PPP6R2: variants seen among roughly 807,000 people sequenced by gnomAD.
PPP6R2 encodes serine/threonine-protein phosphatase 6 regulatory subunit 2.
In PPP6R2, 62 loss-of-function variants were observed where a neutral mutation model predicts 100.2. The ratio of observed to expected loss-of-function variants is 0.62; its 90% CI spans 0.50 to 0.76. The LOEUF is 0.76. Among genes scored for constraint, PPP6R2 ranks in the 30% least tolerant of loss-of-function variants. PPP6R2 has a pLI of 0.00. For synonymous variants in PPP6R2, 525 were observed against 514.7 expected (o/e 1.02, Z -0.27); for missense variants, 1,142 against 1,276.3 (o/e 0.89, Z 1.60).
intron 2 of PPP6R2, among the ~76,000 whole-genome samples, chr22:50,376,055 A>G (rs918216423): frequency 6.6e-6 from 1 of 150,966 alleles, no homozygotes. Flanking sequence ...CTGGTCTTGA[A>G]CTCCTGACCT....
At chr22:50,404,658 C>T (rs1357783239) in intron 3 of PPP6R2, among the ~76,000 whole-genome samples, 2 of 144,830 alleles carry the variant, frequency 1.4e-5, no homozygotes, top group Non-Finnish European at 3.0e-5. Context: ...GCTAGTCTCC[C>T]ACTCCTGAGC....
At chr22:50,372,643 C>G (rs970022704) in intron 2 of PPP6R2, among the ~76,000 whole-genome samples, 1 of 152,088 alleles carries the variant, frequency 6.6e-6, no homozygotes, top group Non-Finnish European at 1.5e-5. Flanking sequence ...TTGAGATGCT[C>G]TGCATGTTTT....
rs1310324791 is a variant in PPP6R2 at position 50,444,017 on chromosome 22, G to A, written c.2731G>A (p.Val911Ile). 5 of 1,613,398 alleles carry A rather than the reference G, an allele frequency of 3.1e-6. No homozygotes were observed. In the South Asian group the frequency reaches 5.5e-5, roughly 18 times the overall value. The change falls in exon 23 of 24, where the codon GTC (valine) becomes ATC (isoleucine). Residue 911 changes from valine (V) to isoleucine (I), a missense_variant. Coordinates refer to ENST00000612753, the MANE Select transcript of PPP6R2 (RefSeq NM_001242898.2). ...KAGPAIPTPA[V>I]SSALAVAVPL... ...TGGCCCCGCCATACCCACCCCAGCA[G>A]TCTCTTCTGCACTGGCCGTGGCGGT...
chr22:50,412,936 C>T (rs534567300), intron 4 of PPP6R2, among the ~76,000 whole-genome samples: 12 of 150,000 alleles, frequency 8.0e-5, no homozygotes, highest in South Asian at 6.3e-4. Flanking sequence ...TGAGCCACTG[C>T]GCCTGGCCTA....
In PPP6R2 at chr22:50,437,636, C is replaced by T. The variant is rs142423235; in HGVS notation, c.1781+33C>T. ...TACTTGGAGCGCACTCTGCACGAGG[C>T]GCGGCTCTCCCTGCTGCTGAGCTCC... On this transcript the variant is annotated intron_variant, in intron 16 of 23. Transcript: ENST00000612753. 1.5e-4 allele frequency: 224 copies of T among 1,540,586 alleles called. 3 individuals are homozygous for T. The East Asian group carries it at 4.1e-3, about 28-fold the overall frequency.
intron 1 of PPP6R2, among the ~76,000 whole-genome samples, chr22:50,354,228 C>T (rs1044623602): frequency 3.0e-4 from 45 of 151,976 alleles, no homozygotes; most frequent in African/African-American, 1.0e-3. Context: ...TCACTTGAAC[C>T]CAGAAGGTGG....
chr22:50,404,088 T>A lies in PPP6R2; in HGVS notation c.228-2601T>A, dbSNP rs564561321. 4.1e-4 allele frequency among the ~76,000 whole-genome samples: 49 copies of A among 120,322 alleles called. No individual in the cohort carries two copies. In the Admixed American group the frequency reaches 4.2e-3, roughly 10 times the overall value. The allele number at this position is 120,322 out of a possible 152,430, so 78.9% of individuals were successfully genotyped here. ...GGCAGGCACTGTCACCTGCACATTC[T>A]ATTTTTTTTTTTTTTTTTTTCTGGA... On this transcript the variant is annotated intron_variant, in intron 3 of 23. Transcript: ENST00000612753.
chr22:50,438,466 C>A, intron 18 of PPP6R2, 133 bp from the exon 19 acceptor site: 1 of 1,423,218 alleles, frequency 7.0e-7, no homozygotes, highest in Non-Finnish European at 9.6e-7. Flanking sequence ...AGAGCTGAGG[C>A]CTGGAGCGTC....
chr22:50,347,109 C>T (rs1018287378), intron 1 of PPP6R2, among the ~76,000 whole-genome samples: 2 of 151,970 alleles, frequency 1.3e-5, no homozygotes, highest in African/African-American at 2.4e-5. Context: ...GTGGCCCTTC[C>T]GCTCTTTGCT....
intron 6 of PPP6R2, among the ~76,000 whole-genome samples, chr22:50,416,904 C>G (rs141897411): frequency 6.6e-6 from 1 of 151,242 alleles, no homozygotes; most frequent in African/African-American, 2.4e-5. Context: ...TGCAGTGAGC[C>G]GAGATCACAC....
intron 2 of PPP6R2, among the ~76,000 whole-genome samples, chr22:50,387,665 A>G (rs1674496890): frequency 1.3e-5 from 2 of 152,148 alleles, no homozygotes; most frequent in Non-Finnish European, 2.9e-5. Context: ...GCTGATTTCC[A>G]TGGCGTTAAT....
intron 2 of PPP6R2, among the ~76,000 whole-genome samples, chr22:50,375,015 A>G (rs962808129): frequency 6.6e-6 from 1 of 152,182 alleles, no homozygotes; most frequent in Admixed American, 6.6e-5. Context: ...AGGTAAAGTT[A>G]AAAGATAGAT....
At chr22:50,338,679 T>A (rs531853764), upstream of PPP6R2, among the ~76,000 whole-genome samples, 2 of 122,946 alleles carry the variant, frequency 1.6e-5, no homozygotes, top group Admixed American at 1.6e-4. Flanking sequence ...GGTGTGTGTG[T>A]AGTATGTGGT....
the PPP6R2 span, among the ~76,000 whole-genome samples, chr22:50,331,341 T>G: frequency 1.3e-5 from 2 of 152,304 alleles, no homozygotes; most frequent in Non-Finnish European, 2.9e-5. Flanking sequence ...AGTATTGGGC[T>G]GTATGGTAAG....
In PPP6R2 at chr22:50,403,131, C is replaced by T. The variant is rs112369118; in HGVS notation, c.228-3558C>T. ...AGGAGGCTGAGACAGGACGTGAACC[C>T]GGGAGGCGGAGGTTGCAGTGAGCTG... On this transcript the variant is annotated intron_variant, in intron 3 of 23. Coordinates refer to ENST00000612753, the MANE Select transcript of PPP6R2 (RefSeq NM_001242898.2). Among the ~76,000 whole-genome samples the T allele has an allele frequency of 4.4e-3, 670 of 152,082 alleles. 6 individuals carry two copies. Among genetic ancestry groups the T allele is most frequent in the African/African-American group, 0.015 (640 of 41,490 alleles).
chr22:50,437,029 C>T lies in PPP6R2; in HGVS notation c.1644C>T (p.Asp548=), dbSNP rs780391925. The T allele has an allele frequency of 2.0e-5, 32 of 1,563,160 alleles. No individual in the cohort carries two copies. Residue 548 remains aspartate (D), a synonymous_variant, in exon 15 of 24, where the codon GAC becomes GAT. Coordinates refer to ENST00000612753, the MANE Select transcript of PPP6R2 (RefSeq NM_001242898.2). ...TTCACTCCTCAAGTGAGGACGAGGA[C>T]ATTGAGGGTGCTTTCCCTAACGAGC... ...HHLHSSSEDE[D]IEGAFPNELS...
Position 50,444,240 on chromosome 22 carries a change from C to T in PPP6R2, c.2873C>T (p.Pro958Leu). ...APPEGAALNGPV is the reference protein window; with the variant it reads ...APPEGAALNGLV Reference sequence around the variant, plus strand: ...CCAGAAGGAGCTGCCTTAAATGGCCCAGTGTGATGCTGCTGCCGCCCGGCC... The same window carrying T: ...CCAGAAGGAGCTGCCTTAAATGGCCTAGTGTGATGCTGCTGCCGCCCGGCC... Residue 958 changes from proline (P) to leucine (L), a missense_variant, in exon 24 of 24, where the codon CCA (proline) becomes CTA (leucine). Pro to Leu is a moderately conservative substitution (Grantham distance 98). This residue lies in a region of PPP6R2 where 550 missense variants were observed against 517.4 expected (regional missense o/e 1.06). Transcript: ENST00000612753. The T allele has an allele frequency of 1.2e-6, 2 of 1,613,002 alleles. No homozygotes were observed. Among genetic ancestry groups the T allele is most frequent in the Non-Finnish European group, 1.7e-6 (2 of 1,179,852 alleles).
Position 50,414,513 on chromosome 22 carries a change from G to A in PPP6R2, c.415-39G>A, listed in dbSNP as rs752128187. On this transcript the variant is annotated intron_variant, in intron 4 of 23. Coordinates refer to ENST00000612753, the MANE Select transcript of PPP6R2 (RefSeq NM_001242898.2). ...GGAGGAGGTGTCTCAGGGTTGTCAG[G>A]GTCGGCCCCGCCTGCCTCTCAGGTG... is the stretch of plus-strand genomic sequence containing the variant. 6 of 1,606,304 alleles carry A rather than the reference G, an allele frequency of 3.7e-6. No homozygotes were observed. The South Asian group carries it at 5.5e-5, about 15-fold the overall frequency.
the PPP6R2 span, among the ~76,000 whole-genome samples, chr22:50,336,467 G>A: frequency 6.6e-6 from 1 of 151,724 alleles, no homozygotes; most frequent in Non-Finnish European, 1.5e-5. Context: ...CCCTCCACTC[G>A]CGGGTTCAAG....
Sources: gnomAD v4.1 joint callset for allele counts (sites outside exome capture counted in the v4.1 genomes callset) on GRCh38, gnomAD v4.1.1 for gene constraint, gnomAD v4.1.1 regional missense constraint, MANE v1.5 for transcripts, NCBI Gene and HGNC (gene_info 2026-07-23, HGNC 2026-07-21) for gene names.